The following TENT4B variants were observed in gnomAD, a reference collection of about 807,000 sequenced individuals.
TENT4B encodes the protein PAP associated domain containing 5.
Under a neutral mutation model 75.0 loss-of-function variants are expected in TENT4B, and 10 were observed. The observed-to-expected ratio is 0.13, with a 90% CI of 0.08 to 0.23. The LOEUF (loss-of-function observed/expected upper bound fraction) is 0.23. Ranked by LOEUF, TENT4B falls within the 10% of genes least tolerant of loss-of-function variation. The pLI is 1.00. For missense variants in TENT4B, 579 were observed against 893.8 expected, an observed-to-expected ratio of 0.65 and a Z score of 4.49; for synonymous variants, 350 against 357.7, an observed-to-expected ratio of 0.98 and a Z score of 0.24.
In TENT4B at chr16:50,232,497, C is replaced by T. The variant is rs1445327606; in HGVS notation, c.*3169C>T. 7.1e-6 allele frequency: 7 copies of T among 985,318 alleles called. No homozygotes were observed. Among genetic ancestry groups the T allele is most frequent in the Non-Finnish European group, 7.2e-6 (6 of 829,934 alleles). The allele number at this position is 985,318 out of a possible 1,614,324, so 61.0% of individuals were successfully genotyped here. On this transcript the variant is annotated 3_prime_UTR_variant, in exon 12 of 12. Coordinates refer to ENST00000561678, the MANE Select transcript of TENT4B (RefSeq NM_001365324.3). Reference sequence around the variant, plus strand: ...TTTAATTGTCTTTTTCTGCTGGAACCTTATATCTCTCCATGTGTTTTCTGC... The same window carrying T: ...TTTAATTGTCTTTTTCTGCTGGAACTTTATATCTCTCCATGTGTTTTCTGC...
Position 50,233,855 on chromosome 16 carries a change from T to A in TENT4B, c.*4527T>A. ...TACACATTTGTGGTAGCTCCTGGATTTACTGAGAGATATTTTAGCTATGTC... is the reference window on the plus strand; with the variant it reads ...TACACATTTGTGGTAGCTCCTGGATATACTGAGAGATATTTTAGCTATGTC... On this transcript the variant is annotated 3_prime_UTR_variant, in exon 12 of 12. Transcript: ENST00000561678. The A allele has an allele frequency of 2.0e-6, 2 of 985,450 alleles. No individual in the cohort carries two copies. The highest frequency in any genetic ancestry group is 2.4e-6 in the Non-Finnish European group (2 of 829,934). The allele number at this position is 985,450 out of a possible 1,614,324, so 61.0% of individuals were successfully genotyped here.
chr16:50,222,575 T>C (rs762502393), intron 6 of TENT4B, 141 bp downstream of exon 6: 6 of 850,044 alleles, frequency 7.1e-6, no homozygotes, highest in Non-Finnish European at 1.1e-5. Context: ...CCCTTTAAAC[T>C]GGGTACATTT....
At chr16:50,216,330 A>T in intron 4 of TENT4B, 135 bp downstream of exon 4, 1 of 1,184,506 alleles carries the variant, frequency 8.4e-7, no homozygotes, top group Non-Finnish European at 1.2e-6. Context: ...CCGTGCTTGC[A>T]CATAAAAAGT....
intron 10 of TENT4B, among the ~76,000 whole-genome samples, chr16:50,226,832 C>T (rs2032078432): frequency 6.6e-6 from 1 of 152,190 alleles, no homozygotes; most frequent in African/African-American, 2.4e-5. Flanking sequence ...AATTCTAGAA[C>T]ATTTCCATCA....
At chr16:50,227,146 T>C (rs1275646504) in intron 10 of TENT4B, among the ~76,000 whole-genome samples, 1 of 152,240 alleles carries the variant, frequency 6.6e-6, no homozygotes, top group Non-Finnish European at 1.5e-5. Context: ...TGTGTCAATA[T>C]GGAATCATAA....
chr16:50,157,985 C>G (rs1260718813), intron 1 of TENT4B, among the ~76,000 whole-genome samples: 2 of 151,866 alleles, frequency 1.3e-5, no homozygotes, highest in East Asian at 3.9e-4. Flanking sequence ...ATGAAGGTCT[C>G]CAACTCCTGG....
intron 1 of TENT4B, among the ~76,000 whole-genome samples, chr16:50,193,106 A>G (rs955247443): frequency 6.6e-6 from 1 of 152,172 alleles, no homozygotes; most frequent in African/African-American, 2.4e-5. Flanking sequence ...TGTGGACTAT[A>G]CAAAAATCAG....
chr16:50,217,689 C>A, intron 5 of TENT4B, 26 bp downstream of exon 5: 1 of 1,295,428 alleles, frequency 7.7e-7, no homozygotes, highest in Non-Finnish European at 1.1e-6. Flanking sequence ...GTTTATACAA[C>A]AAAACTATTA....
rs117384543 is a variant in TENT4B at position 50,165,587 on chromosome 16, C to T, written c.638+11328C>T. On this transcript the variant is annotated intron_variant, in intron 1 of 11. Coordinates refer to ENST00000561678, the MANE Select transcript of TENT4B (RefSeq NM_001365324.3). ...TGAACCCATTATCACTCCCCACTCC[C>T]TCACACACCCTAACCCTGGCAGTCA... 3.0e-4 allele frequency among the ~76,000 whole-genome samples: 45 copies of T among 152,270 alleles called. No homozygotes were observed. In the East Asian group the frequency reaches 8.3e-3, roughly 28 times the overall value.
chr16:50,201,171 C>T (rs560511459), intron 1 of TENT4B, among the ~76,000 whole-genome samples: 1 of 152,258 alleles, frequency 6.6e-6, no homozygotes, highest in Admixed American at 6.5e-5. Flanking sequence ...CATTTGTACA[C>T]ATTATGTTTT....
Position 50,153,368 on chromosome 16 carries a change from G to C in TENT4B, c.-254G>C, listed in dbSNP as rs1244340393. On this transcript the variant is annotated 5_prime_UTR_variant, in exon 1 of 12. Coordinates refer to ENST00000561678, the MANE Select transcript of TENT4B (RefSeq NM_001365324.3). ...ACGGGGACCCCAGTGACAGGGGCTC[G>C]GCGGAGGGGCGGAGGGGCGGAGGGA... Among the ~76,000 whole-genome samples, 1 of 145,210 alleles carries C rather than the reference G, an allele frequency of 6.9e-6. No homozygotes were observed. Among genetic ancestry groups the C allele is most frequent in the Non-Finnish European group, 1.5e-5 (1 of 65,186 alleles).
intron 7 of TENT4B, 73 bp downstream of exon 7, chr16:50,223,460 C>A: frequency 1.0e-6 from 1 of 990,182 alleles, no homozygotes; most frequent in Non-Finnish European, 1.5e-6. Flanking sequence ...ACTTTAAATT[C>A]TCTTTAGATG....
chr16:50,174,676 C>T (rs990965770), intron 1 of TENT4B, among the ~76,000 whole-genome samples: 11 of 150,892 alleles, frequency 7.3e-5, no homozygotes, highest in Admixed American at 4.6e-4. Flanking sequence ...CTTATTCTTT[C>T]TACCTGGCTT....
At chr16:50,159,208 C>T (rs1301187325) in intron 1 of TENT4B, among the ~76,000 whole-genome samples, 3 of 151,306 alleles carry the variant, frequency 2.0e-5, no homozygotes, top group Admixed American at 6.6e-5. Context: ...CTTTCTCTCT[C>T]TCTCTCGCTC....
At chr16:50,188,289 C>T (rs2038573897) in intron 1 of TENT4B, among the ~76,000 whole-genome samples, 1 of 152,188 alleles carries the variant, frequency 6.6e-6, no homozygotes, top group Admixed American at 6.5e-5. Context: ...ACTCAGTTCC[C>T]TCATCACTTT....
rs544800869 is a variant in TENT4B at position 50,213,663 on chromosome 16, T to C, written c.763-558T>C. On this transcript the variant is annotated intron_variant, in intron 2 of 11. Coordinates refer to ENST00000561678, the MANE Select transcript of TENT4B (RefSeq NM_001365324.3). ...TGAAAGTTTCCTGTGGTTGGCTTTC[T>C]GTATCCACAGGTACCACACCTCCAT... 5.4e-4 allele frequency among the ~76,000 whole-genome samples: 83 copies of C among 152,368 alleles called. 1 individual carries two copies. In the South Asian group the frequency reaches 0.016, roughly 29 times the overall value.
intron 1 of TENT4B, among the ~76,000 whole-genome samples, chr16:50,171,577 CCAAGGCATATA>C (rs11275280): frequency 0.66 from 100,854 of 151,720 alleles, 35,391 homozygotes; most frequent in South Asian, 0.76. Flanking sequence ...TTTTTCTTGC[CCAAGGCATATA>C]CGGTTGATAT....
chr16:50,203,351 G>A (rs4581696), intron 1 of TENT4B, among the ~76,000 whole-genome samples: 148,358 of 152,332 alleles, frequency 0.97, 72,245 homozygotes, highest in East Asian at 1. Context: ...TTGTCTTTCT[G>A]CTTTGGAACT....
chr16:50,155,090 A>G (rs947212485), intron 1 of TENT4B, among the ~76,000 whole-genome samples: 1 of 152,098 alleles, frequency 6.6e-6, no homozygotes, highest in Non-Finnish European at 1.5e-5. Flanking sequence ...TGAATATTGC[A>G]CCACTAGTGA....
Sources: gnomAD v4.1 joint callset for allele counts (sites outside exome capture counted in the v4.1 genomes callset) on GRCh38, gnomAD v4.1.1 for gene constraint, MANE v1.5 for transcripts, NCBI Gene and HGNC (gene_info 2026-07-23, HGNC 2026-07-21) for gene names.